NKAIN3: variants seen among roughly 807,000 people sequenced by gnomAD.
NKAIN3 encodes sodium/potassium-transporting ATPase subunit beta-1-interacting protein 3.
In NKAIN3, 25 loss-of-function variants were observed where a neutral mutation model predicts 30.2. The ratio of observed to expected loss-of-function variants is 0.83; its 90% confidence interval spans 0.60 to 1.16. The LOEUF is 1.16. Ranked by LOEUF, NKAIN3 falls within the 50% of genes most tolerant of loss-of-function variation. The pLI, the probability that NKAIN3 is intolerant of heterozygous loss-of-function variation, is 0.00. For synonymous variants in NKAIN3, 91 were observed against 89.6 expected, an observed-to-expected ratio of 1.02 and a Z score of -0.09; for missense variants, 225 against 254.1, an observed-to-expected ratio of 0.89 and a Z score of 0.78.
At chr8:62,757,264 AG>A (rs1319750257) in intron 4 of NKAIN3, among the ~76,000 whole-genome samples, 1 of 152,216 alleles carries the variant, frequency 6.6e-6, no homozygotes, top group Non-Finnish European at 1.5e-5. Context: ...GATTTTAAAA[AG>A]TAGCTTTTCA....
At chr8:62,807,450 A>C (rs1818332060) in intron 4 of NKAIN3, among the ~76,000 whole-genome samples, 1 of 150,950 alleles carries the variant, frequency 6.6e-6, no homozygotes, top group Non-Finnish European at 1.5e-5. Flanking sequence ...CTTGTTTCCT[A>C]CTTTTTGTGG....
intron 1 of NKAIN3, among the ~76,000 whole-genome samples, chr8:62,285,715 G>A (rs1813359942): frequency 6.6e-6 from 1 of 152,100 alleles, no homozygotes; most frequent in Admixed American, 6.6e-5. Context: ...ACTCCACTCT[G>A]TCCAATCCCT....
chr8:62,497,784 C>T, intron 1 of NKAIN3, among the ~76,000 whole-genome samples: 1 of 152,096 alleles, frequency 6.6e-6, no homozygotes, highest in East Asian at 1.9e-4. Flanking sequence ...CTTGAAGTCA[C>T]TCTCTGGGTT....
At chr8:62,809,258 T>C (rs1818406287) in intron 4 of NKAIN3, among the ~76,000 whole-genome samples, 1 of 152,132 alleles carries the variant, frequency 6.6e-6, no homozygotes, top group African/African-American at 2.4e-5. Context: ...TAAGCAATCA[T>C]CACAGGGTCC....
At chr8:62,875,383 G>C (rs1820765156) in intron 4 of NKAIN3, among the ~76,000 whole-genome samples, 1 of 152,066 alleles carries the variant, frequency 6.6e-6, no homozygotes, top group African/African-American at 2.4e-5. Context: ...TCAATATCGT[G>C]AAAATGGCCA....
At position 62,861,495 on chromosome 8, in the gene NKAIN3, C is replaced by T. The variant is rs1053206859; in HGVS notation, c.472-56958C>T. 2.0e-5 allele frequency among the ~76,000 whole-genome samples: 3 copies of T among 152,280 alleles called. No homozygotes were observed. In the East Asian group the frequency reaches 5.8e-4, roughly 29 times the overall value. On this transcript the variant is annotated intron_variant, in intron 4 of 6. Transcript: ENST00000623646. ...GAAATCACTGAAAGCCAAGGCTAGC[C>T]CTGGTGCTTTTATCATCACTTCCAG...
At chr8:62,567,541 A>G (rs1410737337) in intron 1 of NKAIN3, among the ~76,000 whole-genome samples, 1 of 152,144 alleles carries the variant, frequency 6.6e-6, no homozygotes, top group African/African-American at 2.4e-5. Flanking sequence ...AAATTATCCA[A>G]AAGGGCTCAA....
At chr8:62,531,714 T>A (rs1356830381) in intron 1 of NKAIN3, among the ~76,000 whole-genome samples, 1 of 152,166 alleles carries the variant, frequency 6.6e-6, no homozygotes, top group Non-Finnish European at 1.5e-5. Context: ...ACCCATAGTG[T>A]CATTTAAGAT....
intron 4 of NKAIN3, among the ~76,000 whole-genome samples, chr8:62,828,587 A>T (rs1030406035): frequency 5.3e-5 from 8 of 151,114 alleles, no homozygotes; most frequent in South Asian, 2.1e-4. Flanking sequence ...AGCTAAAAAA[A>T]TTTTGACGCT....
chr8:62,295,593 G>A lies in NKAIN3; in HGVS notation c.54+46466G>A, dbSNP rs111726509. 9.1e-3 allele frequency among the ~76,000 whole-genome samples: 1,391 copies of A among 152,094 alleles called. 29 individuals carry two copies. Among genetic ancestry groups the A allele is most frequent in the African/African-American group, 0.032 (1,307 of 41,486 alleles). ...CTTATTTATATATATGTAGTATAGC[G>A]GTTTCTATTTCACAGCTTTTTTGGG... On this transcript the variant is annotated intron_variant, in intron 1 of 6. Coordinates refer to ENST00000623646, the MANE Select transcript of NKAIN3 (RefSeq NM_001304533.3).
chr8:62,485,143 T>C (rs1806858627), intron 1 of NKAIN3, among the ~76,000 whole-genome samples: 1 of 152,072 alleles, frequency 6.6e-6, no homozygotes, highest in Non-Finnish European at 1.5e-5. Flanking sequence ...TTTCATGATG[T>C]ATGCTAAATT....
intron 1 of NKAIN3, among the ~76,000 whole-genome samples, chr8:62,506,551 T>C (rs1233202684): frequency 1.3e-5 from 2 of 149,422 alleles, no homozygotes. Flanking sequence ...CTCAGCTCTC[T>C]GCAACCTCTG....
chr8:62,462,955 A>C (rs1806042287), intron 1 of NKAIN3, among the ~76,000 whole-genome samples: 1 of 152,156 alleles, frequency 6.6e-6, no homozygotes, highest in Admixed American at 6.5e-5. Flanking sequence ...GAATGCCCAA[A>C]ACATTCCAGT....
intron 3 of NKAIN3, among the ~76,000 whole-genome samples, chr8:62,664,024 G>A (rs1206175981): frequency 6.6e-6 from 1 of 151,784 alleles, no homozygotes. Flanking sequence ...ATATATCTGG[G>A]CCCTACCCTG....
At chr8:62,649,287 G>T (rs1006192778) in intron 3 of NKAIN3, among the ~76,000 whole-genome samples, 4 of 152,006 alleles carry the variant, frequency 2.6e-5, no homozygotes, top group African/African-American at 9.7e-5. Flanking sequence ...GGTTTATTTG[G>T]TTTGGGTTGA....
chr8:62,344,665 G>GTACTT (rs1476287306), intron 1 of NKAIN3, among the ~76,000 whole-genome samples: 7 of 152,014 alleles, frequency 4.6e-5, no homozygotes, highest in Non-Finnish European at 7.4e-5. Context: ...GATTTAGCAA[G>GTACTT]TACTTTATAC....
At position 62,910,984 on chromosome 8, in the gene NKAIN3, T is replaced by C. The variant is rs78409935; in HGVS notation, c.472-7469T>C. ...TGCTGATGGACTCCAGCATGACAAATTGAATGAGCCAATATTAGAAAACAC... is the reference window on the plus strand; with the variant it reads ...TGCTGATGGACTCCAGCATGACAAACTGAATGAGCCAATATTAGAAAACAC... On this transcript the variant is annotated intron_variant, in intron 4 of 6. Transcript: ENST00000623646. 9.8e-3 allele frequency among the ~76,000 whole-genome samples: 1,490 copies of C among 152,254 alleles called. 25 individuals are homozygous for C. The highest frequency in any genetic ancestry group is 0.044 in the Admixed American group (667 of 15,284).
intron 1 of NKAIN3, among the ~76,000 whole-genome samples, chr8:62,489,173 C>G (rs1417916369): frequency 3.5e-5 from 5 of 141,410 alleles, no homozygotes; most frequent in African/African-American, 1.4e-4. Flanking sequence ...CCCGCCACCA[C>G]ACCTGGCTAA....
intron 4 of NKAIN3, among the ~76,000 whole-genome samples, chr8:62,790,193 C>T (rs1817659068): frequency 6.6e-6 from 1 of 152,140 alleles, no homozygotes; most frequent in African/African-American, 2.4e-5. Context: ...AGCATATAAA[C>T]AGAACCAAAG....
Sources: allele counts gnomAD v4.1 joint callset (sites outside exome capture counted in the v4.1 genomes callset), GRCh38; gene constraint gnomAD v4.1.1; transcripts MANE v1.5; gene names NCBI Gene and HGNC (gene_info 2026-07-23, HGNC 2026-07-21).